PER2: variants seen among roughly 807,000 people sequenced by gnomAD.
PER2 encodes the protein period circadian protein homolog 2.
A neutral mutation model predicts 121.0 loss-of-function variants in PER2; 66 were observed. The ratio of observed to expected loss-of-function variants is 0.55; its 90% CI spans 0.45 to 0.67. PER2 has a LOEUF of 0.67. Ranked by LOEUF, PER2 falls within the 30% of genes least tolerant of loss-of-function variation. The pLI is 0.00. For synonymous variants in PER2, 684 were observed against 659.9 expected (o/e 1.04, Z -0.56); for missense variants, 1,521 against 1,635.0 (o/e 0.93, Z 1.20).
intron 5 of PER2, among the ~76,000 whole-genome samples, chr2:238,272,706 C>T (rs1469032525): frequency 6.6e-6 from 1 of 152,198 alleles, no homozygotes; most frequent in African/African-American, 2.4e-5. Flanking sequence ...ATCCCAGCTC[C>T]CCCTCATGAC....
Position 238,278,509 on chromosome 2 carries a change from C to T in PER2, c.-19-554G>A, listed in dbSNP as rs377344573. Among the ~76,000 whole-genome samples the T allele has an allele frequency of 4.6e-5, 7 of 152,320 alleles. No homozygotes were observed. In the South Asian group the frequency reaches 8.3e-4, roughly 18 times the overall value. ...CCTCAGCCCGACATAGAGCTGCTGA[C>T]GGCCTCATCAGAAGGCAGACAAGAG... On this transcript the variant is annotated intron_variant, in intron 1 of 22. Coordinates refer to ENST00000254657, the MANE Select transcript of PER2 (RefSeq NM_022817.3).
chr2:238,291,440 C>T (rs57305589), upstream of PER2, among the ~76,000 whole-genome samples: 2,398 of 152,346 alleles, frequency 0.016, 43 homozygotes, highest in South Asian at 0.067. Flanking sequence ...ATGTACCAGG[C>T]AACTGTGCTG....
rs566911470 is a variant in PER2, at chr2:238,246,587, T to C, written c.3619-63A>G. On this transcript the variant is annotated intron_variant, in intron 22 of 22. Transcript: ENST00000254657. ...GAGATCTGAGTTGTTACAAAAGTCA[T>C]TCAAATTGGCCGGGCGCGGTGGCTC... The C allele has an allele frequency of 1.8e-5, 23 of 1,283,672 alleles. No individual in the cohort carries two copies. In the South Asian group the frequency reaches 2.0e-4, roughly 11 times the overall value. The allele number at this position is 1,283,672 out of a possible 1,614,324, so 79.5% of individuals were successfully genotyped here.
Position 238,263,052 on chromosome 2 carries a change from G to C in PER2, c.1053C>G (p.Val351=), listed in dbSNP as rs972554977. The C allele has an allele frequency of 1.2e-6, 2 of 1,606,808 alleles. No homozygotes were observed. Among genetic ancestry groups the C allele is most frequent in the African/African-American group, 2.7e-5 (2 of 74,790 alleles). The change falls in exon 10 of 23, where the codon GTC becomes GTG. Residue 351 remains valine (V), a synonymous_variant. Transcript: ENST00000254657. Reference sequence around the variant, plus strand: ...CCTGAGGTAGGTAGCCCAGGAGAGGGACCGCCCTGGAAGGCAAGCAGACAC... The same window carrying C: ...CCTGAGGTAGGTAGCCCAGGAGAGGCACCGCCCTGGAAGGCAAGCAGACAC... ...CLFQDVDERA[V]PLLGYLPQDL...
chr2:238,276,018 C>T, intron 3 of PER2, 121 bp from the exon 4 acceptor site: 1 of 695,840 alleles, frequency 1.4e-6, no homozygotes, highest in Non-Finnish European at 2.6e-6. Context: ...CTGGGTGGCC[C>T]TTTGTGGGGC....
chr2:238,251,704 G>C lies in PER2; in HGVS notation c.3169C>G (p.Leu1057Val). Reference protein sequence around the residue: ...SDALSTSSGLLNLLLNEDLCS... With the variant: ...SDALSTSSGLVNLLLNEDLCS... ...AGGTCCTCATTCAGCAGGAGGTTTA[G>C]GAGGCCGCTTGACGTGGAAAGGGCG... Residue 1057 changes from leucine (L) to valine (V), a missense_variant, in exon 20 of 23, where the codon CTA becomes GTA. By Grantham distance (32) the Leu-to-Val change is conservative. Transcript: ENST00000254657. 6.2e-7 allele frequency: 1 copy of C among 1,614,136 alleles called. No individual in the cohort carries two copies. Among genetic ancestry groups the C allele is most frequent in the Non-Finnish European group, 8.5e-7 (1 of 1,179,966 alleles).
chr2:238,269,854 C>A (rs920102575), intron 6 of PER2, among the ~76,000 whole-genome samples: 1 of 152,238 alleles, frequency 6.6e-6, no homozygotes, highest in East Asian at 1.9e-4. Flanking sequence ...TTTGATTAAC[C>A]CCACTTCTGG....
chr2:238,278,493 G>T (rs771472329), intron 1 of PER2, among the ~76,000 whole-genome samples: 1 of 151,976 alleles, frequency 6.6e-6, no homozygotes, highest in African/African-American at 2.4e-5. Context: ...GCCTCAGCCC[G>T]ACATAGAGCT....
chr2:238,277,517 T>C (rs1008589948), intron 2 of PER2, among the ~76,000 whole-genome samples, 190 bp downstream of exon 2: 6 of 152,224 alleles, frequency 3.9e-5, no homozygotes, highest in Non-Finnish European at 5.9e-5. Context: ...TGTTGGCAAC[T>C]GGATCTGCGA....
At chr2:238,298,958 C>A in the PER2 span, 1 of 152,216 alleles carries the variant, frequency 6.6e-6, no homozygotes, top group African/African-American at 2.4e-5. Context: ...CTCCTACAGC[C>A]ACTGGGTAGG....
the PER2 span, among the ~76,000 whole-genome samples, chr2:238,297,601 G>A: frequency 2.0e-5 from 3 of 152,160 alleles, no homozygotes; most frequent in Non-Finnish European, 2.9e-5. Context: ...CCTGTTCCCC[G>A]AGCTCCCTGC....
At chr2:238,264,317 G>A (rs1696030582) in intron 9 of PER2, among the ~76,000 whole-genome samples, 1 of 152,240 alleles carries the variant, frequency 6.6e-6, no homozygotes, top group Admixed American at 6.5e-5. Context: ...GTGGTGTCCA[G>A]AAGCCTGCAT....
intron 5 of PER2, 88 bp from the exon 6 acceptor site, chr2:238,271,601 C>T (rs1696290031): frequency 2.0e-6 from 2 of 1,010,162 alleles, no homozygotes; most frequent in Middle Eastern, 2.3e-4. Flanking sequence ...GAGGGAGCCG[C>T]CCACCAGGAG....
upstream of PER2, among the ~76,000 whole-genome samples, chr2:238,294,953 G>T (rs77463489): frequency 5.4e-3 from 821 of 152,338 alleles, 7 homozygotes; most frequent in African/African-American, 0.018. Flanking sequence ...GGATGGCTGG[G>T]GTGCAGGTCC....
At chr2:238,284,947 C>T (rs1696738863) in intron 1 of PER2, among the ~76,000 whole-genome samples, 1 of 152,046 alleles carries the variant, frequency 6.6e-6, no homozygotes, top group East Asian at 1.9e-4. Flanking sequence ...CAGATGTGTG[C>T]CCATAGCCAG....
chr2:238,261,720 C>G lies in PER2; in HGVS notation c.1416+9G>C. 2.0e-6 allele frequency: 3 copies of G among 1,527,004 alleles called. No individual in the cohort carries two copies. Among genetic ancestry groups the G allele is most frequent in the Non-Finnish European group, 2.7e-6 (3 of 1,124,190 alleles). The allele number at this position is 1,527,004 out of a possible 1,614,324, so 94.6% of individuals were successfully genotyped here. ...ACCTGGGAGGAGGACATGCAGGCAC[C>G]ACACCCACCTGCAGCAGGAGCCGGT... On this transcript the variant is annotated intron_variant, in intron 12 of 22. Transcript: ENST00000254657.
chr2:238,268,746 T>G lies in PER2; in HGVS notation c.824+177A>C, dbSNP rs866563637. Among the ~76,000 whole-genome samples the G allele has an allele frequency of 3.9e-5, 6 of 152,298 alleles. No homozygotes were observed. Among genetic ancestry groups the G allele is most frequent in the Admixed American group, 3.9e-4 (6 of 15,302 alleles). ...TAAAGCACTCCACTGCTGGCCGCAT[T>G]CTTAGCGACCTGTACACATTTAAAA... is the stretch of plus-strand genomic sequence containing the variant. On this transcript the variant is annotated intron_variant, in intron 7 of 22. Transcript: ENST00000254657. This position sits in a 1 kb window ranked among gnomAD's most constrained non-coding sequence, Gnocchi z 4.0.
rs1365568484 is a variant in PER2, at chr2:238,244,571, A to G, written c.*1804T>C. On this transcript the variant is annotated 3_prime_UTR_variant, in exon 23 of 23. Transcript: ENST00000254657. ...AAGGAGTTTGTAACATCTAATGGCC[A>G]TAAGAATGCAGACTGCTACCTTATC... 2.6e-5 allele frequency: 4 copies of G among 152,254 alleles called. No individual in the cohort carries two copies. Among genetic ancestry groups the G allele is most frequent in the East Asian group, 1.9e-4 (1 of 5,202 alleles). The allele number at this position is 152,254 out of a possible 1,614,324, so 9.4% of individuals were successfully genotyped here.
chr2:238,253,347 C>T lies in PER2; in HGVS notation c.2676G>A (p.Gln892=). The T allele has an allele frequency of 6.2e-7, 1 of 1,613,606 alleles. No homozygotes were observed. Among genetic ancestry groups the T allele is most frequent in the East Asian group, 2.2e-5 (1 of 44,858 alleles). Residue 892 remains glutamine, a synonymous_variant, in exon 19 of 23, where the codon CAG becomes CAA. Transcript: ENST00000254657. The surrounding 1 kb of genome is among the most constrained non-coding windows in gnomAD (Gnocchi z 5.6). ...PVDLQHQFAV[Q]PPPFPAPLAP... ...CCAAAGGGGCAGGGAAAGGTGGGGG[C>T]TGGACTGCAAACTGGTGCTGGAGGT...
Sources: allele counts gnomAD v4.1 joint callset (sites outside exome capture counted in the v4.1 genomes callset), GRCh38; gene constraint gnomAD v4.1.1; non-coding constraint Gnocchi (gnomAD v3.1); transcripts MANE v1.5; gene names NCBI Gene and HGNC (gene_info 2026-07-23, HGNC 2026-07-21).